Variants in ANKS1A observed in about 807,000 individuals in gnomAD.
The protein encoded by ANKS1A is ankyrin repeat and SAM domain-containing protein 1A.
ANKS1A carries 55 observed loss-of-function variants against 120.3 expected under a neutral mutation model. That is an observed-to-expected ratio of 0.46 (90% CI 0.37 to 0.57). The LOEUF (loss-of-function observed/expected upper bound fraction) is 0.57, where lower values mean the gene tolerates loss of function less well. Ranked by LOEUF, ANKS1A falls within the 20% of genes least tolerant of loss-of-function variation. The pLI is 0.00. For missense variants in ANKS1A, 1,123 were observed against 1,480.3 expected, an observed-to-expected ratio of 0.76 and a Z score of 3.96; for synonymous variants, 590 against 604.7, an observed-to-expected ratio of 0.98 and a Z score of 0.36.
intron 18 of ANKS1A, 152 bp from the exon 19 acceptor site, chr6:35,083,003 T>C (rs911679777): frequency 8.0e-6 from 10 of 1,248,762 alleles, no homozygotes; most frequent in Non-Finnish European, 1.1e-5. Context: ...AGCTAGGGAG[T>C]TGAATGGAGG....
rs1181904578 is a variant in ANKS1A, at chr6:34,985,228, A to G, written c.1159A>G (p.Thr387Ala). The change falls in exon 8 of 24, where the codon ACG (threonine) becomes GCG (alanine). Residue 387 changes from threonine (T) to alanine (A), a missense_variant. By Grantham distance (58) the Thr-to-Ala change is moderately conservative. This residue lies in a region of ANKS1A where 904 missense variants were observed against 1,130.4 expected (regional missense o/e 0.80). Transcript: ENST00000360359. ...ASGRSSDQDS[T>A]NKEAEAAGVK... is the part of the protein sequence containing the mutation. ...CGGGCGATCATCTGACCAAGACTCC[A>G]CGAACAAGGAGGCTGAGGCAGCAGG... 6.2e-7 allele frequency: 1 copy of G among 1,614,204 alleles called. No homozygotes were observed.
At chr6:35,055,487 G>A (rs1018744776) in intron 12 of ANKS1A, among the ~76,000 whole-genome samples, 2 of 151,968 alleles carry the variant, frequency 1.3e-5, no homozygotes, top group Non-Finnish European at 1.5e-5. Flanking sequence ...GTAACACCAC[G>A]CCTGGCTGAT....
chr6:34,926,680 A>G (rs1447153694), intron 1 of ANKS1A, among the ~76,000 whole-genome samples: 1 of 152,130 alleles, frequency 6.6e-6, no homozygotes, highest in Non-Finnish European at 1.5e-5. Flanking sequence ...GCAATGGCTC[A>G]TTGCAGCCTT....
At chr6:34,987,561 G>A (rs1056290278) in intron 8 of ANKS1A, among the ~76,000 whole-genome samples, 3 of 152,230 alleles carry the variant, frequency 2.0e-5, no homozygotes, top group Admixed American at 6.5e-5. Flanking sequence ...GTGGGACTTA[G>A]TGGGACATCT....
At chr6:34,954,020 A>G (rs1770219575) in intron 1 of ANKS1A, among the ~76,000 whole-genome samples, 1 of 152,198 alleles carries the variant, frequency 6.6e-6, no homozygotes, top group Non-Finnish European at 1.5e-5. Flanking sequence ...ATAATAGTGA[A>G]GGCACTGGAG....
At chr6:34,963,271 C>G (rs1770739962) in intron 1 of ANKS1A, among the ~76,000 whole-genome samples, 1 of 152,178 alleles carries the variant, frequency 6.6e-6, no homozygotes, top group Non-Finnish European at 1.5e-5. Flanking sequence ...TGACCAACAT[C>G]TCCCCAACAT....
intron 3 of ANKS1A, among the ~76,000 whole-genome samples, chr6:34,975,252 G>C (rs572380645): frequency 2.6e-4 from 39 of 152,056 alleles, no homozygotes; most frequent in Non-Finnish European, 4.7e-4. Context: ...TCAGGGATTC[G>C]AGACCAGCCT....
intron 11 of ANKS1A, chr6:35,039,503 G>T (rs1471098289): frequency 4.4e-6 from 2 of 450,034 alleles, no homozygotes; most frequent in Non-Finnish European, 9.0e-6. Context: ...AGTCCATCCT[G>T]TTAATTTTTA....
In ANKS1A at chr6:35,057,175, T is replaced by G. The variant is rs1451008094; in HGVS notation, c.2078-2972T>G. 6.6e-6 allele frequency among the ~76,000 whole-genome samples: 1 copy of G among 151,984 alleles called. No individual in the cohort carries two copies. Among genetic ancestry groups the G allele is most frequent in the Non-Finnish European group, 1.5e-5 (1 of 68,002 alleles). ...CCACAGCATTGGAGTCTCAGTTCTGTTTTTAGGGCCACAGGCCCCTGGGCT... is the reference window on the plus strand; with the variant it reads ...CCACAGCATTGGAGTCTCAGTTCTGGTTTTAGGGCCACAGGCCCCTGGGCT... On this transcript the variant is annotated intron_variant, in intron 12 of 23. Transcript: ENST00000360359. This position sits in a 1 kb window ranked among gnomAD's most constrained non-coding sequence, Gnocchi z 4.1.
At chr6:34,975,036 C>T (rs1212648575) in intron 3 of ANKS1A, among the ~76,000 whole-genome samples, 1 of 152,162 alleles carries the variant, frequency 6.6e-6, no homozygotes, top group Non-Finnish European at 1.5e-5. Context: ...AGTACATTTT[C>T]CTATCCTTTA....
At position 34,931,699 on chromosome 6, in the gene ANKS1A, A is replaced by G. The variant is rs558136458; in HGVS notation, c.198-35540A>G. Among the ~76,000 whole-genome samples, 338 of 152,200 alleles carry G rather than the reference A, an allele frequency of 2.2e-3. 1 individual carries two copies. Among genetic ancestry groups the G allele is most frequent in the Middle Eastern group, 3.4e-3 (1 of 292 alleles). ...CCAACCAGTCTAGGGCAAGGGAGGAAGCCCAATTTGTGTAGCACTCTTTCC... is the reference window on the plus strand; with the variant it reads ...CCAACCAGTCTAGGGCAAGGGAGGAGGCCCAATTTGTGTAGCACTCTTTCC... On this transcript the variant is annotated intron_variant, in intron 1 of 23. Transcript: ENST00000360359.
chr6:35,059,778 T>C (rs942536833), intron 12 of ANKS1A, among the ~76,000 whole-genome samples: 11 of 152,150 alleles, frequency 7.2e-5, no homozygotes, highest in African/African-American at 1.7e-4. Context: ...TTCTGAAATA[T>C]CTTCAGCACG....
chr6:35,006,850 C>CA (rs1377424035), intron 10 of ANKS1A, among the ~76,000 whole-genome samples: 64 of 151,728 alleles, frequency 4.2e-4, no homozygotes, highest in Middle Eastern at 3.4e-3. Context: ...ATTAAAACTT[C>CA]AAAAAAGAAT....
chr6:34,953,107 T>C (rs555888820), intron 1 of ANKS1A, among the ~76,000 whole-genome samples: 2 of 151,678 alleles, frequency 1.3e-5, no homozygotes, highest in East Asian at 3.9e-4. Flanking sequence ...AGATTTTTCT[T>C]ACCTGTTGAG....
intron 1 of ANKS1A, among the ~76,000 whole-genome samples, chr6:34,892,987 T>G (rs9368834): frequency 0.16 from 24,734 of 152,196 alleles, 2,662 homozygotes; most frequent in East Asian, 0.57. Flanking sequence ...CTGTCCACTT[T>G]TTCTTAGCAT....
chr6:35,086,287 T>G lies in ANKS1A; in HGVS notation c.3303+351T>G. The G allele has an allele frequency of 7.6e-7, 1 of 1,318,774 alleles. No individual in the cohort carries two copies. Among genetic ancestry groups the G allele is most frequent in the Admixed American group, 2.3e-5 (1 of 44,342 alleles). 81.7% of individuals were successfully genotyped at this position (1,318,774 alleles called of 1,614,324 possible). Reference sequence around the variant, plus strand: ...CACCCCAGGTGCCGCTGCCCCCCGATAGTCGCTGTTGTTACTGTCACACCT... The same window carrying G: ...CACCCCAGGTGCCGCTGCCCCCCGAGAGTCGCTGTTGTTACTGTCACACCT... On this transcript the variant is annotated intron_variant, in intron 22 of 23. Transcript: ENST00000360359. This position sits in a 1 kb window ranked among gnomAD's most constrained non-coding sequence, Gnocchi z 5.1.
Position 34,967,284 on chromosome 6 carries a change from C to T in ANKS1A, c.243C>T (p.Tyr81=). 1 of 1,613,826 alleles carries T rather than the reference C, an allele frequency of 6.2e-7. No individual in the cohort carries two copies. The highest frequency in any genetic ancestry group is 8.5e-7 in the Non-Finnish European group (1 of 1,179,952). Reference sequence around the variant, plus strand: ...TGAACTGTGTTGACAGCACTGGCTACACACCCCTGCACCATGCTGCTTTGA... The same window carrying T: ...TGAACTGTGTTGACAGCACTGGCTATACACCCCTGCACCATGCTGCTTTGA... ...PNVNCVDSTG[Y]TPLHHAALNG... is the part of the protein sequence containing the mutation. Residue 81 remains tyrosine, a synonymous_variant, in exon 2 of 24, where the codon TAC becomes TAT. Transcript: ENST00000360359.
chr6:35,024,247 C>G (rs761758703), intron 11 of ANKS1A, among the ~76,000 whole-genome samples: 3 of 152,196 alleles, frequency 2.0e-5, no homozygotes, highest in Non-Finnish European at 4.4e-5. Flanking sequence ...AGCACACACA[C>G]ACAGCACCAA....
At chr6:34,911,259 A>G (rs1053311997) in intron 1 of ANKS1A, among the ~76,000 whole-genome samples, 6 of 152,216 alleles carry the variant, frequency 3.9e-5, no homozygotes, top group African/African-American at 1.4e-4. Flanking sequence ...AAGAAAAGAC[A>G]GGCCCTTCCT....
Sources: allele counts gnomAD v4.1 joint callset (sites outside exome capture counted in the v4.1 genomes callset), GRCh38; gene constraint gnomAD v4.1.1; regional missense constraint gnomAD v4.1.1; non-coding constraint Gnocchi (gnomAD v3.1); transcripts MANE v1.5; gene names NCBI Gene and HGNC (gene_info 2026-07-23, HGNC 2026-07-21).